GRM7: variants seen among roughly 807,000 people sequenced by gnomAD.
GRM7 encodes glutamate metabotropic receptor 7.
In GRM7, 35 loss-of-function variants were observed where a neutral mutation model predicts 84.5. That is an observed-to-expected ratio of 0.41 (90% CI 0.32 to 0.55). The LOEUF is 0.55. Among genes scored for constraint, GRM7 ranks in the 20% least tolerant of loss-of-function variants. GRM7 has a pLI of 0.19. For synonymous variants in GRM7, 487 were observed against 455.1 expected, an observed-to-expected ratio of 1.07 and a Z score of -0.89; for missense variants, 1,003 against 1,194.6, an observed-to-expected ratio of 0.84 and a Z score of 2.36.
At chr3:7,455,590 C>T (rs745960167) in intron 6 of GRM7, among the ~76,000 whole-genome samples, 1 of 139,888 alleles carries the variant, frequency 7.1e-6, no homozygotes, top group Non-Finnish European at 1.7e-5. Context: ...AAGGAAACAT[C>T]AAACAAATCC....
chr3:7,268,939 A>G (rs749596642), intron 2 of GRM7, among the ~76,000 whole-genome samples: 2 of 152,224 alleles, frequency 1.3e-5, no homozygotes, highest in African/African-American at 4.8e-5. Flanking sequence ...TTTAACAGAT[A>G]TAGAATTGTT....
At chr3:7,479,083 G>A (rs1330422920) in intron 7 of GRM7, among the ~76,000 whole-genome samples, 1 of 152,052 alleles carries the variant, frequency 6.6e-6, no homozygotes, top group African/African-American at 2.4e-5. Context: ...TACTGTCCTA[G>A]TCTGCTTTTC....
chr3:7,323,306 A>G (rs914392684), intron 4 of GRM7, among the ~76,000 whole-genome samples: 2 of 152,180 alleles, frequency 1.3e-5, no homozygotes, highest in East Asian at 1.9e-4. Flanking sequence ...CACAATAACT[A>G]CTTTTACTTT....
intron 1 of GRM7, among the ~76,000 whole-genome samples, chr3:7,087,123 C>G (rs531918125): frequency 6.6e-6 from 1 of 152,138 alleles, no homozygotes; most frequent in South Asian, 2.1e-4. Context: ...AAAACAACCT[C>G]CAAATGATTG....
At chr3:7,283,910 T>C (rs1699338541) in intron 2 of GRM7, among the ~76,000 whole-genome samples, 1 of 152,216 alleles carries the variant, frequency 6.6e-6, no homozygotes, top group Non-Finnish European at 1.5e-5. Context: ...ATTTGAAAGC[T>C]GATTCAAACA....
intron 1 of GRM7, among the ~76,000 whole-genome samples, chr3:6,885,993 A>G (rs1695677444): frequency 6.6e-6 from 1 of 152,210 alleles, no homozygotes; most frequent in Non-Finnish European, 1.5e-5. Flanking sequence ...AAATTTGTAT[A>G]TATTCAACAT....
chr3:7,191,365 A>G (rs1359174428), intron 2 of GRM7, among the ~76,000 whole-genome samples: 4 of 151,978 alleles, frequency 2.6e-5, no homozygotes, highest in Non-Finnish European at 5.9e-5. Context: ...CTCAATAACT[A>G]TTTGTTAATG....
intron 4 of GRM7, among the ~76,000 whole-genome samples, chr3:7,382,568 T>G (rs1478861311): frequency 2.6e-5 from 4 of 152,208 alleles, no homozygotes; most frequent in Non-Finnish European, 4.4e-5. Flanking sequence ...TGTTCCCTCA[T>G]GTTTGAGTTC....
rs1697396739 is a variant in GRM7, at chr3:6,928,759, G to A, written c.519+66852G>A. On this transcript the variant is annotated intron_variant, in intron 1 of 9. Transcript: ENST00000357716. The surrounding 1 kb of genome is among the most constrained non-coding windows in gnomAD (Gnocchi z 4.5). Reference sequence around the variant, plus strand: ...TTGCAATCATTGAAAGGTTGTAATTGTAGCCTTCTGCTATATTTACTGTTA... The same window carrying A: ...TTGCAATCATTGAAAGGTTGTAATTATAGCCTTCTGCTATATTTACTGTTA... 6.6e-6 allele frequency among the ~76,000 whole-genome samples: 1 copy of A among 152,158 alleles called. No individual in the cohort carries two copies. The highest frequency in any genetic ancestry group is 2.4e-5 in the African/African-American group (1 of 41,436).
chr3:7,344,596 A>C (rs949062706), intron 4 of GRM7, among the ~76,000 whole-genome samples: 1 of 152,340 alleles, frequency 6.6e-6, no homozygotes, highest in East Asian at 1.9e-4. Context: ...AGTTGTAAAA[A>C]ATTATATAAA....
chr3:7,677,273 A>ACC (rs1309025003), intron 8 of GRM7, among the ~76,000 whole-genome samples: 2 of 123,776 alleles, frequency 1.6e-5, no homozygotes, highest in African/African-American at 4.0e-5. Flanking sequence ...AAAAAAAAAA[A>ACC]AAAAAAAAAA....
intron 8 of GRM7, among the ~76,000 whole-genome samples, chr3:7,583,221 A>ATAGAATAGG (rs2125056879): frequency 6.6e-6 from 1 of 152,332 alleles, no homozygotes; most frequent in South Asian, 2.1e-4. Context: ...AGAGATAGCA[A>ATAGAATAGG]TAGAATAGGT....
intron 1 of GRM7, among the ~76,000 whole-genome samples, chr3:6,930,006 G>A (rs1697446131): frequency 6.6e-6 from 1 of 152,158 alleles, no homozygotes; most frequent in Non-Finnish European, 1.5e-5. Flanking sequence ...ACCCATATGT[G>A]GCTGTGGAAT....
chr3:7,686,547 T>TATCTA, intron 9 of GRM7: 1 of 621,658 alleles, frequency 1.6e-6, no homozygotes, highest in Non-Finnish European at 3.0e-6. Context: ...CCTGAAAATA[T>TATCTA]ATCTATAGGA....
rs1447301828 is a variant in GRM7, at chr3:7,741,260, T to C, written c.*854T>C. The C allele has an allele frequency of 6.6e-6, 1 of 152,644 alleles. No homozygotes were observed. The highest frequency in any genetic ancestry group is 6.5e-5 in the Admixed American group (1 of 15,280). 9.5% of individuals were successfully genotyped at this position (152,644 alleles called of 1,614,324 possible). A position where few individuals can be genotyped will look rare whatever the true frequency, so the allele number is the denominator to read the frequency against. ...GAATATTTTGCAATAATTTTAATAA[T>C]TATTAAGCTGTTTGAAGGAAAGAAT... On this transcript the variant is annotated 3_prime_UTR_variant, in exon 10 of 10. Coordinates refer to ENST00000357716, the MANE Select transcript of GRM7 (RefSeq NM_000844.4).
chr3:7,039,821 G>A (rs1010874091), intron 1 of GRM7, among the ~76,000 whole-genome samples: 3 of 152,066 alleles, frequency 2.0e-5, no homozygotes, highest in Admixed American at 1.3e-4. Context: ...TGTGGCTCTT[G>A]TGAATGGGTA....
chr3:6,954,187 T>C (rs1271106488), intron 1 of GRM7, among the ~76,000 whole-genome samples: 1 of 152,194 alleles, frequency 6.6e-6, no homozygotes, highest in Admixed American at 6.5e-5. Flanking sequence ...ATATTCAGGG[T>C]ATACATCACT....
intron 8 of GRM7, among the ~76,000 whole-genome samples, chr3:7,635,797 CTGAG>C (rs756975855): frequency 1.3e-5 from 2 of 152,120 alleles, no homozygotes; most frequent in East Asian, 1.9e-4. Context: ...CCTCACCTTC[CTGAG>C]TATCTGGGAC....
At chr3:6,970,073 T>C (rs763394116) in intron 1 of GRM7, among the ~76,000 whole-genome samples, 3 of 152,174 alleles carry the variant, frequency 2.0e-5, no homozygotes, top group Non-Finnish European at 2.9e-5. Flanking sequence ...GGCCAGAGGG[T>C]ACATCTTTTT....
Sources: gnomAD v4.1 joint callset for allele counts (sites outside exome capture counted in the v4.1 genomes callset) on GRCh38, gnomAD v4.1.1 for gene constraint, Gnocchi (gnomAD v3.1) non-coding constraint, MANE v1.5 for transcripts, NCBI Gene and HGNC (gene_info 2026-07-23, HGNC 2026-07-21) for gene names.